Variants in FSD1L observed in about 807,000 individuals in gnomAD.
FSD1L encodes FSD1-like protein.
Under a neutral mutation model 71.6 loss-of-function variants are expected in FSD1L, and 45 were observed. The observed-to-expected ratio is 0.63, with a 90% confidence interval of 0.49 to 0.81. FSD1L has a LOEUF of 0.81. Ranked by LOEUF, FSD1L falls within the 30% of genes least tolerant of loss-of-function variation. The pLI, the probability that FSD1L is intolerant of heterozygous loss-of-function variation, is 0.00. For missense variants in FSD1L, 561 were observed against 618.1 expected, an observed-to-expected ratio of 0.91 and a Z score of 0.98; for synonymous variants, 197 against 207.2, an observed-to-expected ratio of 0.95 and a Z score of 0.42.
rs115218902 is a variant in FSD1L, at chr9:105,531,972, G to C, written c.1026-2521G>C. Among the ~76,000 whole-genome samples, 1,398 of 152,202 alleles carry C rather than the reference G, an allele frequency of 9.2e-3. 22 individuals are homozygous for C. The highest frequency in any genetic ancestry group is 0.032 in the African/African-American group (1,339 of 41,520). On this transcript the variant is annotated intron_variant, in intron 10 of 13. Transcript: ENST00000481272. ...CTCTTTTTAAGAAAAGCAACAGCAT[G>C]GTTTCTTTCATGAAATGTTTCCAGA...
upstream of FSD1L, among the ~76,000 whole-genome samples, chr9:105,445,134 T>TA (rs376483198): frequency 2.1e-4 from 32 of 152,286 alleles, no homozygotes; most frequent in East Asian, 6.2e-3. Flanking sequence ...GTGGGAGACT[T>TA]AGAGCCCAGC....
chr9:105,485,205 A>T (rs955905911), intron 7 of FSD1L, among the ~76,000 whole-genome samples: 3 of 152,188 alleles, frequency 2.0e-5, no homozygotes, highest in African/African-American at 7.2e-5. Flanking sequence ...TAAAGAAAAG[A>T]GGTTCTCTAG....
chr9:105,472,144 C>T (rs1300361320), intron 5 of FSD1L, 139 bp downstream of exon 5: 3 of 1,039,076 alleles, frequency 2.9e-6, no homozygotes, highest in Non-Finnish European at 3.9e-6. Context: ...AAGTAAAATG[C>T]TGGCTGTTCA....
chr9:105,472,225 C>T, intron 5 of FSD1L: 1 of 468,140 alleles, frequency 2.1e-6, no homozygotes, highest in East Asian at 3.7e-5. Context: ...AAAAGTGTTT[C>T]TGTGTTTCTG....
chr9:105,522,727 A>G, intron 10 of FSD1L: 16 of 1,605,314 alleles, frequency 1.0e-5, no homozygotes, highest in Non-Finnish European at 1.4e-5. Context: ...CCTCCTCTTA[A>G]TAGTGATATT....
chr9:105,448,200 C>T lies in FSD1L; in HGVS notation c.-21C>T, dbSNP rs1388956259. ...CGGTTCGTCGTCTCGGGTTCGAGCC[C>T]AGTGGGCTTAGCCACTCGCCATGGA... is the stretch of plus-strand genomic sequence containing the variant. On this transcript the variant is annotated 5_prime_UTR_variant, in exon 1 of 14. Transcript: ENST00000481272. 2 of 1,542,152 alleles carry T rather than the reference C, an allele frequency of 1.3e-6. No homozygotes were observed. Among genetic ancestry groups the T allele is most frequent in the Non-Finnish European group, 1.8e-6 (2 of 1,142,454 alleles).
At chr9:105,523,808 G>A in intron 10 of FSD1L, 1 of 1,599,234 alleles carries the variant, frequency 6.3e-7, no homozygotes, top group Non-Finnish European at 8.6e-7. Context: ...ATATTGACCA[G>A]GATATTGTCA....
At chr9:105,458,484 G>A (rs1406900131) in intron 1 of FSD1L, among the ~76,000 whole-genome samples, 11 of 152,162 alleles carry the variant, frequency 7.2e-5, no homozygotes, top group Admixed American at 7.2e-4. Flanking sequence ...TTTACTGAGT[G>A]ACAGAACAGC....
At chr9:105,495,662 CT>C (rs1833333029) in intron 7 of FSD1L, among the ~76,000 whole-genome samples, 2 of 152,168 alleles carry the variant, frequency 1.3e-5, no homozygotes, top group South Asian at 4.1e-4. Context: ...CGGGTTGTTT[CT>C]TTTCTTATTG....
At chr9:105,497,165 G>T (rs1589018166) in intron 7 of FSD1L, among the ~76,000 whole-genome samples, 4 of 152,172 alleles carry the variant, frequency 2.6e-5, no homozygotes, top group Admixed American at 2.6e-4. Context: ...GATGTGATGG[G>T]TTACATTGAT....
At chr9:105,455,157 C>T (rs1223852161) in intron 1 of FSD1L, among the ~76,000 whole-genome samples, 6 of 152,164 alleles carry the variant, frequency 3.9e-5, no homozygotes, top group African/African-American at 7.2e-5. Context: ...TAGAATGATC[C>T]TGTATGGCAG....
chr9:105,519,733 C>G (rs1834988769), intron 10 of FSD1L, among the ~76,000 whole-genome samples: 1 of 152,222 alleles, frequency 6.6e-6, no homozygotes, highest in South Asian at 2.1e-4. Flanking sequence ...ACTTTGAAAA[C>G]CAGCACAGAG....
intron 3 of FSD1L, among the ~76,000 whole-genome samples, chr9:105,465,277 C>T (rs1414797040): frequency 6.6e-6 from 1 of 152,128 alleles, no homozygotes; most frequent in Non-Finnish European, 1.5e-5. Flanking sequence ...AGTCTCCCAT[C>T]AAAGAAAAGC....
chr9:105,446,462 T>C (rs1829650149), upstream of FSD1L, among the ~76,000 whole-genome samples: 3 of 152,164 alleles, frequency 2.0e-5, no homozygotes, highest in South Asian at 6.2e-4. Context: ...CCTCCAGGAC[T>C]CAAGTGATCC....
chr9:105,472,494 A>G (rs1831542678), intron 5 of FSD1L: 1 of 152,272 alleles, frequency 6.6e-6, no homozygotes, highest in African/African-American at 2.4e-5. Flanking sequence ...TTTTTTTTTA[A>G]GTAGGGTCAT....
chr9:105,546,371 G>T lies in FSD1L; in HGVS notation c.1481G>T (p.Gly494Val). The part of the protein sequence containing the change: ...VLPGFMVWCG[G>V]LSLSTGMQVP... ...GTCTTTTCTTAGGTATGGTGTGGTGGACTTTCTTTGAGTACTGGGATGCAG... is the reference window on the plus strand; with the variant it reads ...GTCTTTTCTTAGGTATGGTGTGGTGTACTTTCTTTGAGTACTGGGATGCAG... The change falls in exon 14 of 14, where the codon GGA becomes GTA. Residue 494 changes from glycine to valine, a missense_variant. Gly to Val is a moderately radical substitution (Grantham distance 109, BLOSUM62 -3). This residue lies in a region of FSD1L where 98 missense variants were observed against 102.3 expected (regional missense o/e 0.96). Coordinates refer to ENST00000481272, the MANE Select transcript of FSD1L (RefSeq NM_001145313.3). 6.5e-7 allele frequency: 1 copy of T among 1,546,766 alleles called. No individual in the cohort carries two copies. Among genetic ancestry groups the T allele is most frequent in the Non-Finnish European group, 8.7e-7 (1 of 1,145,208 alleles).
At chr9:105,452,703 CTTCCTTCCTTCCTTCT>C (rs1830111686) in intron 1 of FSD1L, among the ~76,000 whole-genome samples, 1 of 148,926 alleles carries the variant, frequency 6.7e-6, no homozygotes, top group African/African-American at 2.5e-5. Flanking sequence ...TCCTTCCTTC[CTTCCTTCCTTCCTTCT>C]TTCCTTCTTT....
intron 10 of FSD1L, chr9:105,521,443 T>C: frequency 6.2e-7 from 1 of 1,613,800 alleles, no homozygotes; most frequent in East Asian, 2.2e-5. Context: ...ATTGAAATAG[T>C]TCGCAGAGTT....
chr9:105,478,008 G>T (rs1002949385), intron 5 of FSD1L, among the ~76,000 whole-genome samples: 20 of 152,206 alleles, frequency 1.3e-4, no homozygotes, highest in African/African-American at 3.9e-4. Context: ...ACTTTGGGAG[G>T]CTGAGGCAGG....
Sources: allele counts gnomAD v4.1 joint callset (sites outside exome capture counted in the v4.1 genomes callset), GRCh38; gene constraint gnomAD v4.1.1; regional missense constraint gnomAD v4.1.1; transcripts MANE v1.5; gene names NCBI Gene and HGNC (gene_info 2026-07-23, HGNC 2026-07-21).